Variants in KCNMB3 observed in about 807,000 individuals in gnomAD.
The protein encoded by KCNMB3 is calcium-activated potassium channel subunit beta-3.
In KCNMB3, 18 loss-of-function variants were observed where a neutral mutation model predicts 11.9. That is an observed-to-expected ratio of 1.51 (90% CI 1.04 to 2.23). KCNMB3 has a LOEUF of 2.23. KCNMB3 is among the 30% of genes most tolerant of loss of function. The pLI, the probability that KCNMB3 is intolerant of heterozygous loss-of-function variation, is 0.00. For missense variants in KCNMB3, 247 were observed against 329.4 expected (o/e 0.75, Z 1.94); for synonymous variants, 78 against 119.2 (o/e 0.65, Z 2.25).
intron 1 of KCNMB3, chr3:179,260,416 C>T (rs1726165640): frequency 6.2e-7 from 1 of 1,613,838 alleles, no homozygotes; most frequent in Non-Finnish European, 8.5e-7. Context: ...GTATTCTCAC[C>T]AGCAGTGAAT....
chr3:179,261,062 G>T, intron 1 of KCNMB3: 2 of 1,061,366 alleles, frequency 1.9e-6, no homozygotes, highest in South Asian at 1.2e-5. Context: ...GGCTGCAGAC[G>T]GGCCCAGCAT....
chr3:179,259,331 A>G (rs1726125065), intron 1 of KCNMB3: 2 of 1,565,992 alleles, frequency 1.3e-6, no homozygotes, highest in Non-Finnish European at 1.7e-6. Context: ...CAGCTATTTT[A>G]GCATTATCTT....
intron 1 of KCNMB3, among the ~76,000 whole-genome samples, chr3:179,247,234 A>G (rs999137487): frequency 1.3e-5 from 2 of 152,190 alleles, no homozygotes; most frequent in African/African-American, 4.8e-5. Context: ...GCCATCTCCC[A>G]AATATGTCAC....
rs148789256 is a variant in KCNMB3, at chr3:179,262,712, G to A, written c.62+3937C>T. On this transcript the variant is annotated intron_variant, in intron 1 of 3. Transcript: ENST00000349697. The stretch of plus-strand genomic sequence containing the variant: ...ATTTTGACAGGGTGCTGATTGGTGC[G>A]TTTACAATCCCTGAGCTAGACACAA... Among the ~76,000 whole-genome samples the A allele has an allele frequency of 9.6e-3, 1,468 of 152,254 alleles. 31 individuals are homozygous for A. In the East Asian group the frequency reaches 0.11, roughly 12 times the overall value.
downstream of KCNMB3, chr3:179,240,120 G>GTAC: frequency 8.3e-7 from 1 of 1,209,214 alleles, no homozygotes; most frequent in Non-Finnish European, 1.2e-6. Context: ...AATCCTTAGT[G>GTAC]TACTACATAA....
intron 1 of KCNMB3, chr3:179,261,300 G>A (rs1023429616): frequency 1.0e-5 from 13 of 1,265,514 alleles, no homozygotes; most frequent in Non-Finnish European, 1.3e-5. Flanking sequence ...CGCTCCACCC[G>A]GCGGGAAACG....
At chr3:179,263,051 C>G (rs1008669879) in intron 1 of KCNMB3, among the ~76,000 whole-genome samples, 2 of 152,232 alleles carry the variant, frequency 1.3e-5, no homozygotes, top group African/African-American at 4.8e-5. Context: ...TGCGTGTGCC[C>G]GCACTCCTCA....
At position 179,257,900 on chromosome 3, in the gene KCNMB3, T is replaced by TGTG. The variant is rs1560160040; in HGVS notation, c.63-6967_63-6966insCAC. ...TGTGTGTGTGTGTGTGTGTGTGTGTTTTTTAGACAGAGTTTCGCTCGTTGT... is the reference window on the plus strand; with the variant it reads ...TGTGTGTGTGTGTGTGTGTGTGTGTTGTGTTTTAGACAGAGTTTCGCTCGTTGT... On this transcript the variant is annotated intron_variant, in intron 1 of 3. Coordinates refer to the KCNMB3 transcript ENST00000349697. Among the ~76,000 whole-genome samples the TGTG allele has an allele frequency of 2.2e-3, 312 of 140,540 alleles. 1 individual carries two copies. Among genetic ancestry groups the TGTG allele is most frequent in the African/African-American group, 7.8e-3 (304 of 38,880 alleles). The allele number at this position is 140,540 out of a possible 152,430, so 92.2% of individuals were successfully genotyped here. A position where few individuals can be genotyped will look rare whatever the true frequency, so the allele number is the denominator to read the frequency against.
chr3:179,265,676 T>C (rs1726352789), intron 1 of KCNMB3, among the ~76,000 whole-genome samples: 1 of 152,216 alleles, frequency 6.6e-6, no homozygotes, highest in South Asian at 2.1e-4. Context: ...CAGGCTGCTC[T>C]CGAACTCCTG....
upstream of KCNMB3, among the ~76,000 whole-genome samples, chr3:179,253,912 A>G (rs932661134): frequency 6.6e-6 from 1 of 152,238 alleles, no homozygotes; most frequent in Admixed American, 6.5e-5. Context: ...GGTATGGTAC[A>G]CTAGACACCC....
intron 1 of KCNMB3, among the ~76,000 whole-genome samples, chr3:179,247,080 A>G (rs1353692340): frequency 1.3e-5 from 2 of 152,144 alleles, no homozygotes; most frequent in African/African-American, 4.8e-5. Context: ...ATGGCACAAG[A>G]TGTAAGGCAA....
At chr3:179,250,609 A>G in intron 1 of KCNMB3, 134 bp downstream of exon 1, 3 of 904,030 alleles carry the variant, frequency 3.3e-6, no homozygotes, top group Non-Finnish European at 3.4e-6. Flanking sequence ...CGGAAGAGGA[A>G]TTGTATTTTT....
intron 1 of KCNMB3, chr3:179,261,077 C>T: frequency 9.0e-7 from 1 of 1,110,306 alleles, no homozygotes; most frequent in Non-Finnish European, 1.4e-6. Context: ...CAGCATGTTA[C>T]GAGACCCCTT....
chr3:179,261,056 G>T, intron 1 of KCNMB3: 1 of 1,048,620 alleles, frequency 9.5e-7, no homozygotes, highest in Non-Finnish European at 1.5e-6. Context: ...CAGCGTGGCT[G>T]CAGACGGGCC....
At chr3:179,266,430 G>A (rs1450673026) in intron 1 of KCNMB3, among the ~76,000 whole-genome samples, 1 of 152,344 alleles carries the variant, frequency 6.6e-6, no homozygotes, top group East Asian at 1.9e-4. Context: ...CAGTCTCCAA[G>A]AACTGGCAAC....
chr3:179,264,552 G>A (rs116479387), intron 1 of KCNMB3, among the ~76,000 whole-genome samples: 2,492 of 152,162 alleles, frequency 0.016, 87 homozygotes, highest in South Asian at 0.13. Context: ...TCTCTTCACT[G>A]CAGATAGGAC....
chr3:179,264,499 A>T (rs576945942), intron 1 of KCNMB3, among the ~76,000 whole-genome samples: 2 of 152,274 alleles, frequency 1.3e-5, no homozygotes, highest in African/African-American at 4.8e-5. Flanking sequence ...TATTACCTTG[A>T]GCTGTTTTAT....
Position 179,250,929 on chromosome 3 carries a change from G to T in KCNMB3, c.62C>A (p.Ala21Asp), listed in dbSNP as rs767897595. Residue 21 changes from alanine (A) to aspartate (D), a missense_variant, in exon 1 of 3, where the codon GCC becomes GAC. Ala to Asp is a moderately radical substitution (Grantham distance 126). Transcript: ENST00000392685. The stretch of plus-strand genomic sequence containing the variant: ...TCTCTTCTTCCCTGAGGCAGGAAAG[G>T]CTGTCCTTTGGGGAAAGGGAGAAGG... ...VSPSPFPQRT[A>D]FPASGKKRET... 5 of 1,614,128 alleles carry T rather than the reference G, an allele frequency of 3.1e-6. No homozygotes were observed. The Admixed American group carries it at 5.0e-5, about 16-fold the overall frequency.
intron 1 of KCNMB3, among the ~76,000 whole-genome samples, chr3:179,246,051 C>G (rs924105837): frequency 2.0e-5 from 3 of 152,202 alleles, no homozygotes; most frequent in African/African-American, 7.2e-5. Context: ...TATAGGTGGA[C>G]TCCTGTGTTT....
Sources: gnomAD v4.1 joint callset for allele counts (sites outside exome capture counted in the v4.1 genomes callset) on GRCh38, gnomAD v4.1.1 for gene constraint, MANE v1.5 for transcripts, NCBI Gene and HGNC (gene_info 2026-07-23, HGNC 2026-07-21) for gene names.